SYTL3: variants seen among roughly 807,000 people sequenced by gnomAD.
SYTL3 encodes synaptotagmin-like protein 3.
Under a neutral mutation model 82.1 loss-of-function variants are expected in SYTL3, and 88 were observed. The ratio of observed to expected loss-of-function variants is 1.07; its 90% CI spans 0.90 to 1.28. The LOEUF (loss-of-function observed/expected upper bound fraction) is 1.28. SYTL3 is among the 50% of genes most tolerant of loss of function. The pLI is 0.00. For missense variants in SYTL3, 831 were observed against 757.6 expected (o/e 1.10, Z -1.14); for synonymous variants, 311 against 289.4 (o/e 1.07, Z -0.76).
chr6:158,705,463 A>AGCG (rs1481347782), intron 6 of SYTL3, among the ~76,000 whole-genome samples: 27 of 118,490 alleles, frequency 2.3e-4, no homozygotes, highest in Middle Eastern at 5.1e-3. Context: ...CACATAGGGC[A>AGCG]GGAGGGACCT....
intron 2 of SYTL3, among the ~76,000 whole-genome samples, chr6:158,658,212 C>T (rs1788931340): frequency 6.6e-6 from 1 of 152,164 alleles, no homozygotes; most frequent in African/African-American, 2.4e-5. Context: ...ATTTCTAGAA[C>T]ATTTGGAGTG....
chr6:158,760,822 G>A, intron 15 of SYTL3, 77 bp downstream of exon 15: 1 of 1,191,930 alleles, frequency 8.4e-7, no homozygotes. Flanking sequence ...GACTGAGGTG[G>A]GGTGAAAGTT....
At chr6:158,718,345 A>G in intron 10 of SYTL3, 134 bp downstream of exon 10, 2 of 1,101,898 alleles carry the variant, frequency 1.8e-6, no homozygotes, top group Non-Finnish European at 2.4e-6. Flanking sequence ...GAAAAACATA[A>G]TTACCAGTCA....
chr6:158,711,608 A>C (rs572392680), intron 8 of SYTL3, among the ~76,000 whole-genome samples: 1 of 152,236 alleles, frequency 6.6e-6, no homozygotes, highest in Non-Finnish European at 1.5e-5. Flanking sequence ...GCGAGTCCAC[A>C]GAGTAAAGTG....
At chr6:158,735,632 A>C (rs1475200143) in intron 11 of SYTL3, among the ~76,000 whole-genome samples, 1 of 152,204 alleles carries the variant, frequency 6.6e-6, no homozygotes, top group African/African-American at 2.4e-5. Context: ...CGGAGTAAAA[A>C]CAAAAAACAA....
intron 2 of SYTL3, among the ~76,000 whole-genome samples, chr6:158,653,230 G>A (rs1317154252): frequency 6.6e-6 from 1 of 152,144 alleles, no homozygotes; most frequent in Non-Finnish European, 1.5e-5. Flanking sequence ...AAGCAGGCCG[G>A]TCGCAGTGGC....
Position 158,764,745 on chromosome 6 carries a change from T to G in SYTL3, c.*141T>G, listed in dbSNP as rs1790583535. The G allele has an allele frequency of 1.6e-6, 1 of 606,658 alleles. No homozygotes were observed. Among genetic ancestry groups the G allele is most frequent in the Non-Finnish European group, 3.0e-6 (1 of 335,572 alleles). 37.6% of individuals were successfully genotyped at this position (606,658 alleles called of 1,614,324 possible). ...CCATCTGCGGCCCTGTCCCATGGCT[T>G]AACCGCCTATTGGTATCTGTGTATA... On this transcript the variant is annotated 3_prime_UTR_variant, in exon 18 of 18. Transcript: ENST00000611299.
intron 11 of SYTL3, among the ~76,000 whole-genome samples, chr6:158,734,983 T>C (rs1785946364): frequency 6.6e-6 from 1 of 152,184 alleles, no homozygotes; most frequent in Non-Finnish European, 1.5e-5. Context: ...GAGATGACTG[T>C]AGAACTCTGA....
chr6:158,707,993 C>T (rs999544016), intron 7 of SYTL3, among the ~76,000 whole-genome samples: 2 of 152,150 alleles, frequency 1.3e-5, no homozygotes, highest in African/African-American at 2.4e-5. Flanking sequence ...TAAGAGAACA[C>T]GGGAGCGCAG....
At chr6:158,649,424 A>G (rs1056248779), upstream of SYTL3, among the ~76,000 whole-genome samples, 1 of 152,238 alleles carries the variant, frequency 6.6e-6, no homozygotes, top group Non-Finnish European at 1.5e-5. Flanking sequence ...TGGTGGCCCC[A>G]GTACTGGCTC....
intron 2 of SYTL3, among the ~76,000 whole-genome samples, chr6:158,658,897 C>G (rs370276905): frequency 6.6e-6 from 1 of 152,288 alleles, no homozygotes; most frequent in African/African-American, 2.4e-5. Context: ...CCATTGCACT[C>G]CAGCTTGGGT....
At chr6:158,685,241 T>G (rs1343366000) in intron 6 of SYTL3, among the ~76,000 whole-genome samples, 1 of 148,188 alleles carries the variant, frequency 6.7e-6, no homozygotes, top group Non-Finnish European at 1.5e-5. Context: ...TTAGATGGAG[T>G]CTCGTTCTGT....
At chr6:158,722,801 C>T (rs6907545) in intron 10 of SYTL3, among the ~76,000 whole-genome samples, 24,863 of 125,852 alleles carry the variant, frequency 0.2, 2,887 homozygotes, top group Non-Finnish European at 0.26. Flanking sequence ...GATGGAGTCT[C>T]GCTCTGTCAC....
chr6:158,718,793 G>A (rs1783731075), intron 10 of SYTL3, among the ~76,000 whole-genome samples: 1 of 152,224 alleles, frequency 6.6e-6, no homozygotes. Flanking sequence ...CTTAGAATGG[G>A]AAAGCCCGCA....
intron 12 of SYTL3, among the ~76,000 whole-genome samples, chr6:158,746,533 T>A (rs2054802): frequency 4.7e-5 from 7 of 149,310 alleles, no homozygotes; most frequent in Admixed American, 2.0e-4. Flanking sequence ...TGGCGCAATC[T>A]CGGCTCACTG....
intron 6 of SYTL3, among the ~76,000 whole-genome samples, chr6:158,704,765 G>A (rs575099445): frequency 1.3e-5 from 2 of 152,402 alleles, no homozygotes; most frequent in East Asian, 3.9e-4. Flanking sequence ...GAGGGATGTG[G>A]CTTTTTGGTG....
chr6:158,736,559 C>A (rs933989050), intron 11 of SYTL3, among the ~76,000 whole-genome samples: 1 of 151,966 alleles, frequency 6.6e-6, no homozygotes, highest in Non-Finnish European at 1.5e-5. Flanking sequence ...GAGGCCAAGG[C>A]GGGCGGATCA....
At chr6:158,668,250 A>T (rs1376230305) in intron 5 of SYTL3, among the ~76,000 whole-genome samples, 2 of 120,504 alleles carry the variant, frequency 1.7e-5, no homozygotes, top group African/African-American at 6.3e-5. Flanking sequence ...TTATTTTGAG[A>T]CAGAGTTTCA....
chr6:158,718,356 G>C (rs1210433287), intron 10 of SYTL3, 145 bp downstream of exon 10: 1 of 1,033,896 alleles, frequency 9.7e-7, no homozygotes, highest in Non-Finnish European at 1.3e-6. Flanking sequence ...TTACCAGTCA[G>C]TGCCTCTATT....
Sources: gnomAD v4.1 joint callset for allele counts (sites outside exome capture counted in the v4.1 genomes callset) on GRCh38, gnomAD v4.1.1 for gene constraint, MANE v1.5 for transcripts, NCBI Gene and HGNC (gene_info 2026-07-23, HGNC 2026-07-21) for gene names.